HP1BP3: variants seen among roughly 807,000 people sequenced by gnomAD.
HP1BP3 encodes the protein heterochromatin protein 1-binding protein 3.
In HP1BP3, 12 loss-of-function variants were observed where a neutral mutation model predicts 62.5. The ratio of observed to expected loss-of-function variants is 0.19; its 90% CI spans 0.12 to 0.31. The LOEUF is 0.31. HP1BP3 is among the 10% of genes least tolerant of loss of function. The pLI, the probability that HP1BP3 is intolerant of heterozygous loss-of-function variation, is 1.00. For missense variants in HP1BP3, 502 were observed against 651.8 expected, an observed-to-expected ratio of 0.77 and a Z score of 2.50; for synonymous variants, 260 against 237.8, an observed-to-expected ratio of 1.09 and a Z score of -0.86.
In HP1BP3 at chr1:20,763,017, C is replaced by T. The variant is rs114818864; in HGVS notation, c.890+2360G>A. Among the ~76,000 whole-genome samples the T allele has an allele frequency of 2.1e-3, 325 of 152,154 alleles. 2 individuals are homozygous for T. Among genetic ancestry groups the T allele is most frequent in the Non-Finnish European group, 3.9e-3 (264 of 67,992 alleles). On this transcript the variant is annotated intron_variant, in intron 8 of 12. Coordinates refer to ENST00000438032, the MANE Select transcript of HP1BP3 (RefSeq NM_001372052.1). ...GTGAATGGCTTCGTGCCTTCCTGGC[C>T]GTAATGAGCGGGTTGTTTAAAACAA... is the stretch of plus-strand genomic sequence containing the variant.
At position 20,773,622 on chromosome 1, in the gene HP1BP3, A is replaced by C; in HGVS notation, c.351-12T>G. On this transcript the variant is annotated splice_polypyrimidine_tract_variant and intron_variant, in intron 4 of 12. Coordinates refer to ENST00000438032, the MANE Select transcript of HP1BP3 (RefSeq NM_001372052.1). ...ACTGATCTTTCTCACTTTAAAACAA[A>C]GAATTGTTATTATAGAAGATAAGCT... The C allele has an allele frequency of 6.5e-7, 1 of 1,546,720 alleles. No homozygotes were observed. The highest frequency in any genetic ancestry group is 1.2e-5 in the South Asian group (1 of 82,280).
intron 1 of HP1BP3, chr1:20,786,467 C>CGGCGGGGGAGAGCGCGGGCCGCCAGCGA (rs2057839161): frequency 6.6e-6 from 1 of 152,434 alleles, no homozygotes. Context: ...CGAACGCGCA[C>CGGCGGGGGAGAGCGCGGGCCGCCAGCGA]GGCGGGGGAG....
chr1:20,750,011 C>A, intron 9 of HP1BP3, 129 bp from the exon 10 acceptor site: 1 of 1,451,166 alleles, frequency 6.9e-7, no homozygotes, highest in Non-Finnish European at 9.1e-7. Context: ...AATAAATTGT[C>A]AGCTTAGGGA....
In HP1BP3 at chr1:20,742,586, AAGG is replaced by A. The variant is rs999879521; in HGVS notation, c.*2208_*2210del. On this transcript the variant is annotated 3_prime_UTR_variant, in exon 13 of 13. Coordinates refer to ENST00000438032, the MANE Select transcript of HP1BP3 (RefSeq NM_001372052.1). ...AAAGGAAAATGATGGTGTTCATTTC[AAGG>A]AGTAGAAAAGACTTAAAGTGAGGGC... 145 of 152,768 alleles carry A rather than the reference AAGG, an allele frequency of 9.5e-4. No individual in the cohort carries two copies. Among genetic ancestry groups the A allele is most frequent in the African/African-American group, 3.4e-3 (141 of 41,580 alleles). 9.5% of individuals were successfully genotyped at this position (152,768 alleles called of 1,614,324 possible).
rs985455666 is a variant in HP1BP3 at position 20,772,362 on chromosome 1, C to T, written c.510+1089G>A. ...TTTTTATTTCACTATTTTAAAGTTT[C>T]AGCCCTTTTTCCATCCTCACTATGA... On this transcript the variant is annotated intron_variant, in intron 5 of 12. Transcript: ENST00000438032. 2.0e-5 allele frequency among the ~76,000 whole-genome samples: 3 copies of T among 152,308 alleles called. No individual in the cohort carries two copies. In the South Asian group the frequency reaches 6.2e-4, roughly 32 times the overall value.
chr1:20,764,142 C>A (rs540869992), intron 8 of HP1BP3, among the ~76,000 whole-genome samples: 1 of 152,250 alleles, frequency 6.6e-6, no homozygotes, highest in East Asian at 1.9e-4. Context: ...ATGTCTTGTA[C>A]TCATTTATAT....
rs997342520 is a variant in HP1BP3 at position 20,771,173 on chromosome 1, G to A, written c.511-100C>T. 20 of 935,712 alleles carry A rather than the reference G, an allele frequency of 2.1e-5. No individual in the cohort carries two copies. In the African/African-American group the frequency reaches 2.6e-4, roughly 12 times the overall value. The allele number at this position is 935,712 out of a possible 1,614,324, so 58.0% of individuals were successfully genotyped here. A position where few individuals can be genotyped will look rare whatever the true frequency, so the allele number is the denominator to read the frequency against. On this transcript the variant is annotated intron_variant, in intron 5 of 12. Transcript: ENST00000438032. ...TTTGGAAGTGAATTTGATGATAGATGACAAAAACGGTAGGGAAGAATGAAC... is the reference window on the plus strand; with the variant it reads ...TTTGGAAGTGAATTTGATGATAGATAACAAAAACGGTAGGGAAGAATGAAC...
At chr1:20,751,932 A>G (rs2055782820) in intron 9 of HP1BP3, among the ~76,000 whole-genome samples, 1 of 152,148 alleles carries the variant, frequency 6.6e-6, no homozygotes, top group South Asian at 2.1e-4. Flanking sequence ...AGACCCTTTC[A>G]GAGGATCTGC....
At chr1:20,762,344 A>G (rs2056530997) in intron 8 of HP1BP3, among the ~76,000 whole-genome samples, 1 of 152,194 alleles carries the variant, frequency 6.6e-6, no homozygotes, top group Non-Finnish European at 1.5e-5. Flanking sequence ...ATGTTTCAAA[A>G]GAAGTGCAGC....
chr1:20,768,303 G>A (rs774882659), intron 6 of HP1BP3, among the ~76,000 whole-genome samples: 25 of 152,150 alleles, frequency 1.6e-4, no homozygotes, highest in Admixed American at 2.6e-4. Context: ...AAAATTAGCC[G>A]GGCGTGGTGG....
chr1:20,742,355 A>G lies in HP1BP3; in HGVS notation c.*2442T>C, dbSNP rs2055106410. 1.3e-5 allele frequency among the ~76,000 whole-genome samples: 2 copies of G among 152,192 alleles called. No homozygotes were observed. The highest frequency in any genetic ancestry group is 2.9e-5 in the Non-Finnish European group (2 of 68,022). ...TATCTGTTATCTTTTGCAGTACTGTAATTTTTTCTAGTCCAAGGACTTATC... is the reference window on the plus strand; with the variant it reads ...TATCTGTTATCTTTTGCAGTACTGTGATTTTTTCTAGTCCAAGGACTTATC... On this transcript the variant is annotated 3_prime_UTR_variant, in exon 13 of 13. Transcript: ENST00000438032.
Position 20,773,590 on chromosome 1 carries a change from TCTTTA to T in HP1BP3, c.366_370del (p.Glu124GlyfsTer42). ...TGTTTTTTTCACTTTCTTCTCCTTTTCTTTAGACTGATCTTTCTCACTTTAAAACA... is the reference window on the plus strand; with the variant it reads ...TGTTTTTTTCACTTTCTTCTCCTTTTGACTGATCTTTCTCACTTTAAAACA... On this transcript the variant is annotated frameshift_variant, in exon 5 of 13. Coordinates refer to ENST00000438032, the MANE Select transcript of HP1BP3 (RefSeq NM_001372052.1). LOFTEE classifies it high-confidence loss of function. 6.2e-7 allele frequency: 1 copy of T among 1,605,684 alleles called. No individual in the cohort carries two copies. Among genetic ancestry groups the T allele is most frequent in the Non-Finnish European group, 8.5e-7 (1 of 1,175,316 alleles).
chr1:20,766,502 G>A (rs538721344), intron 7 of HP1BP3, among the ~76,000 whole-genome samples: 2 of 151,946 alleles, frequency 1.3e-5, no homozygotes, highest in South Asian at 4.1e-4. Context: ...ATATAAATGA[G>A]TACAAGACAT....
intron 5 of HP1BP3, among the ~76,000 whole-genome samples, chr1:20,772,895 T>G (rs747989549): frequency 3.3e-5 from 5 of 152,252 alleles, no homozygotes; most frequent in Non-Finnish European, 7.3e-5. Context: ...GTAAGGAGGA[T>G]AATTTTTGTA....
intron 1 of HP1BP3, among the ~76,000 whole-genome samples, chr1:20,782,908 GAAAAAAAAA>G (rs1056907677): frequency 2.5e-5 from 3 of 119,914 alleles, no homozygotes; most frequent in East Asian, 2.4e-4. Context: ...TCAAAAAAAA[GAAAAAAAAA>G]AAAAAAAAAA....
intron 8 of HP1BP3, among the ~76,000 whole-genome samples, chr1:20,763,791 T>C (rs2056616614): frequency 6.6e-6 from 1 of 152,254 alleles, no homozygotes; most frequent in African/African-American, 2.4e-5. Flanking sequence ...TTATGCTGCA[T>C]GTTTAAATGA....
At position 20,740,481 on chromosome 1, in the gene HP1BP3, A is replaced by G. The variant is rs1488910290; in HGVS notation, c.*4316T>C. ...ATCATCAAAGGTAGAAAGTTTTCCA[A>G]CAGGAAAAAAGCCACTGAAGTTAAC... On this transcript the variant is annotated 3_prime_UTR_variant, in exon 13 of 13. Coordinates refer to ENST00000438032, the MANE Select transcript of HP1BP3 (RefSeq NM_001372052.1). Among the ~76,000 whole-genome samples the G allele has an allele frequency of 3.3e-5, 5 of 152,380 alleles. No individual in the cohort carries two copies. The highest frequency in any genetic ancestry group is 1.2e-4 in the African/African-American group (5 of 41,590).
chr1:20,757,099 A>G lies in HP1BP3; in HGVS notation c.981+67T>C, dbSNP rs964747448. On this transcript the variant is annotated intron_variant, in intron 9 of 12. Coordinates refer to ENST00000438032, the MANE Select transcript of HP1BP3 (RefSeq NM_001372052.1). The stretch of plus-strand genomic sequence containing the variant: ...GAGGTCCTCAATAAATTTTTACAGT[A>G]TAAGGAGGTCCTGAAACCAAAAACT... 3.2e-6 allele frequency: 3 copies of G among 923,546 alleles called. No individual in the cohort carries two copies. In the African/African-American group the frequency reaches 5.0e-5, roughly 15 times the overall value. 57.2% of individuals were successfully genotyped at this position (923,546 alleles called of 1,614,324 possible).
At chr1:20,760,308 C>G (rs886099334) in intron 8 of HP1BP3, among the ~76,000 whole-genome samples, 3 of 151,922 alleles carry the variant, frequency 2.0e-5, no homozygotes, top group African/African-American at 7.3e-5. Flanking sequence ...GTGGCCGAAG[C>G]AGGAGGATCA....
Sources: gnomAD v4.1 joint callset for allele counts (sites outside exome capture counted in the v4.1 genomes callset) on GRCh38, gnomAD v4.1.1 for gene constraint, MANE v1.5 for transcripts, NCBI Gene and HGNC (gene_info 2026-07-23, HGNC 2026-07-21) for gene names.